Variants in LHFPL3 observed in about 807,000 individuals in gnomAD.
The protein encoded by LHFPL3 is LHFPL tetraspan subfamily member 3.
In LHFPL3, 5 loss-of-function variants were observed where a neutral mutation model predicts 19.3. The observed-to-expected ratio is 0.26, with a 90% CI of 0.14 to 0.54. The LOEUF (loss-of-function observed/expected upper bound fraction) is 0.54. LHFPL3 is among the 20% of genes least tolerant of loss of function. The pLI, the probability that LHFPL3 is intolerant of heterozygous loss-of-function variation, is 0.94. For missense variants in LHFPL3, 249 were observed against 307.4 expected, an observed-to-expected ratio of 0.81 and a Z score of 1.42; for synonymous variants, 133 against 126.2, an observed-to-expected ratio of 1.05 and a Z score of -0.36.
chr7:104,514,320 T>A (rs1279899164), intron 1 of LHFPL3, among the ~76,000 whole-genome samples: 1 of 151,834 alleles, frequency 6.6e-6, no homozygotes, highest in Non-Finnish European at 1.5e-5. Context: ...TAGGCTACCA[T>A]GAACTTCTCC....
chr7:104,446,033 G>T (rs1792324647), intron 1 of LHFPL3, among the ~76,000 whole-genome samples: 1 of 152,188 alleles, frequency 6.6e-6, no homozygotes, highest in African/African-American at 2.4e-5. Flanking sequence ...TGCCTTCTCA[G>T]TGGGACACAG....
At chr7:104,515,918 C>T (rs1793911037) in intron 1 of LHFPL3, among the ~76,000 whole-genome samples, 1 of 152,108 alleles carries the variant, frequency 6.6e-6, no homozygotes, top group Non-Finnish European at 1.5e-5. Flanking sequence ...GCCCTCAAAA[C>T]TGTTCCAACC....
chr7:104,818,577 T>G (rs1490047260), intron 2 of LHFPL3, among the ~76,000 whole-genome samples: 1 of 152,170 alleles, frequency 6.6e-6, no homozygotes, highest in African/African-American at 2.4e-5. Flanking sequence ...AAGATTCTTT[T>G]GAAATTGACC....
intron 2 of LHFPL3, among the ~76,000 whole-genome samples, chr7:104,751,383 G>C (rs1164206900): frequency 6.6e-6 from 1 of 151,190 alleles, no homozygotes; most frequent in African/African-American, 2.4e-5. Context: ...GCACTTCCTG[G>C]GTCTTGGATT....
chr7:104,844,179 C>T (rs1025056805), intron 2 of LHFPL3, among the ~76,000 whole-genome samples: 1 of 152,184 alleles, frequency 6.6e-6, no homozygotes, highest in Non-Finnish European at 1.5e-5. Context: ...GAAGTTCACC[C>T]GCCTGCATGA....
intron 1 of LHFPL3, among the ~76,000 whole-genome samples, chr7:104,536,150 T>C (rs189606903): frequency 2.0e-4 from 30 of 152,358 alleles, no homozygotes; most frequent in Non-Finnish European, 2.6e-4. Flanking sequence ...TGAAATGGCA[T>C]ATAGTTTTTC....
rs1196165566 is a variant in LHFPL3, at chr7:104,399,636, ATT to A, written c.445+70428_445+70429del. On this transcript the variant is annotated intron_variant, in intron 1 of 2. Transcript: ENST00000424859. The surrounding 1 kb of genome is among the most constrained non-coding windows in gnomAD (Gnocchi z 4.4). ...GCCACCACACCGGGCTAAGTTTTGC[ATT>A]TTTTTTTTTTTTTTTGGTAGAGACG... 1.1e-4 allele frequency among the ~76,000 whole-genome samples: 13 copies of A among 123,014 alleles called. No individual in the cohort carries two copies. Among genetic ancestry groups the A allele is most frequent in the Admixed American group, 1.6e-4 (2 of 12,186 alleles). 80.7% of individuals were successfully genotyped at this position (123,014 alleles called of 152,430 possible). A position where few individuals can be genotyped will look rare whatever the true frequency, so the allele number is the denominator to read the frequency against.
intron 1 of LHFPL3, among the ~76,000 whole-genome samples, chr7:104,403,385 T>C (rs1791352992): frequency 6.6e-6 from 1 of 152,190 alleles, no homozygotes; most frequent in Non-Finnish European, 1.5e-5. Context: ...GCTAAGAACC[T>C]GGGCTCCTTC....
chr7:104,510,048 C>T (rs541271976), intron 1 of LHFPL3, among the ~76,000 whole-genome samples: 1 of 152,010 alleles, frequency 6.6e-6, no homozygotes, highest in African/African-American at 2.4e-5. Context: ...ACAGGACTTG[C>T]ATGCTGAAAA....
At chr7:104,600,718 G>T (rs1364098967) in intron 1 of LHFPL3, among the ~76,000 whole-genome samples, 3 of 152,204 alleles carry the variant, frequency 2.0e-5, no homozygotes, top group Admixed American at 6.5e-5. Context: ...AGCTTAAATA[G>T]CACCCTATGG....
chr7:104,591,414 C>A (rs912901687), intron 1 of LHFPL3, among the ~76,000 whole-genome samples: 1 of 152,172 alleles, frequency 6.6e-6, no homozygotes, highest in East Asian at 1.9e-4. Context: ...ATTGAAAATT[C>A]TTTTCTTTAA....
In LHFPL3 at chr7:104,656,228, CCA is replaced by C. The variant is rs1792118591; in HGVS notation, c.446-80444_446-80443del. On this transcript the variant is annotated intron_variant, in intron 1 of 2. Transcript: ENST00000424859. ...GTAATTAGGGATTACAGATGAAAAG[CCA>C]CAGAGGACTTTTTTTTTTTTTCATG... 4.9e-5 allele frequency among the ~76,000 whole-genome samples: 6 copies of C among 122,010 alleles called. No individual in the cohort carries two copies. In the Admixed American group the frequency reaches 5.7e-4, roughly 12 times the overall value. The allele number at this position is 122,010 out of a possible 152,430, so 80.0% of individuals were successfully genotyped here. A position where few individuals can be genotyped will look rare whatever the true frequency, so the allele number is the denominator to read the frequency against.
At chr7:104,667,902 T>C in intron 1 of LHFPL3, 1 of 1,612,730 alleles carries the variant, frequency 6.2e-7, no homozygotes, top group Non-Finnish European at 8.5e-7. Context: ...AGGAGATGTT[T>C]CTACAACTTG....
intron 1 of LHFPL3, among the ~76,000 whole-genome samples, chr7:104,479,194 C>G (rs756557583): frequency 3.3e-5 from 5 of 152,194 alleles, no homozygotes; most frequent in Non-Finnish European, 7.3e-5. Context: ...TTACTGAAAG[C>G]TAATCACTGT....
At position 104,787,501 on chromosome 7, in the gene LHFPL3, G is replaced by C. The variant is rs116728566; in HGVS notation, c.682+50590G>C. ...TGTCTGAGGAAGGCCTGCTTCCATA[G>C]ATGGCATTCTTCTCCTTGCATCCTC... On this transcript the variant is annotated intron_variant, in intron 2 of 2. Coordinates refer to ENST00000424859, the MANE Select transcript of LHFPL3 (RefSeq NM_199000.3). Among the ~76,000 whole-genome samples, 313 of 152,308 alleles carry C rather than the reference G, an allele frequency of 2.1e-3. 2 individuals are homozygous for C. Among genetic ancestry groups the C allele is most frequent in the African/African-American group, 7.2e-3 (299 of 41,564 alleles).
intron 1 of LHFPL3, among the ~76,000 whole-genome samples, chr7:104,519,846 A>G (rs1005933682): frequency 1.3e-5 from 2 of 152,134 alleles, no homozygotes; most frequent in Non-Finnish European, 2.9e-5. Flanking sequence ...TTGGTCAGGA[A>G]TACCATGTTT....
intron 1 of LHFPL3, among the ~76,000 whole-genome samples, chr7:104,573,422 A>C (rs1051671403): frequency 2.5e-4 from 38 of 151,740 alleles, no homozygotes; most frequent in African/African-American, 9.2e-4. Context: ...AAAAAAAAAA[A>C]AAGAAAGTAA....
intron 1 of LHFPL3, among the ~76,000 whole-genome samples, chr7:104,378,177 A>G (rs10233650): frequency 0.025 from 3,735 of 152,300 alleles, 149 homozygotes; most frequent in African/African-American, 0.085. Context: ...ACCTTAATAC[A>G]GGTATACAAT....
At chr7:104,671,977 G>A (rs1792491702) in intron 1 of LHFPL3, among the ~76,000 whole-genome samples, 1 of 152,022 alleles carries the variant, frequency 6.6e-6, no homozygotes, top group Non-Finnish European at 1.5e-5. Flanking sequence ...GTACTAAAGA[G>A]CTGTGGATGC....
Sources: allele counts gnomAD v4.1 joint callset (sites outside exome capture counted in the v4.1 genomes callset), GRCh38; gene constraint gnomAD v4.1.1; non-coding constraint Gnocchi (gnomAD v3.1); transcripts MANE v1.5; gene names NCBI Gene and HGNC (gene_info 2026-07-23, HGNC 2026-07-21).